The following GDPD4 variants were observed in gnomAD, a reference collection of about 807,000 sequenced individuals.
The protein encoded by GDPD4 is glycerophosphodiester phosphodiesterase domain containing 4, also known as glycerophosphodiester phosphodiesterase 6.
Under a neutral mutation model 67.8 loss-of-function variants are expected in GDPD4, and 60 were observed. That is an observed-to-expected ratio of 0.88 (90% CI 0.72 to 1.10). GDPD4 has a LOEUF of 1.10. Among genes scored for constraint, GDPD4 ranks in the 50% least tolerant of loss-of-function variants. The pLI, the probability that GDPD4 is intolerant of heterozygous loss-of-function variation, is 0.00. For missense variants in GDPD4, 623 were observed against 613.9 expected, an observed-to-expected ratio of 1.01 and a Z score of -0.16; for synonymous variants, 212 against 210.9, an observed-to-expected ratio of 1.00 and a Z score of -0.04.
rs1937679785 is a variant in GDPD4, at chr11:77,289,336, C to G, written c.-253-1916G>C. Among the ~76,000 whole-genome samples, 5 of 139,972 alleles carry G rather than the reference C, an allele frequency of 3.6e-5. No individual in the cohort carries two copies. In the South Asian group the frequency reaches 1.2e-3, roughly 33 times the overall value. 91.8% of individuals were successfully genotyped at this position (139,972 alleles called of 152,430 possible). Reference sequence around the variant, plus strand: ...CAAGATCGCACCACTGCACTCCAGCCTAGGTGACAGAGCAATACTCCATCT... The same window carrying G: ...CAAGATCGCACCACTGCACTCCAGCGTAGGTGACAGAGCAATACTCCATCT... On this transcript the variant is annotated intron_variant, in intron 1 of 16. Coordinates refer to ENST00000315938, the MANE Select transcript of GDPD4 (RefSeq NM_182833.3).
chr11:77,270,610 GA>G (rs1384464654), intron 7 of GDPD4, among the ~76,000 whole-genome samples: 1 of 152,190 alleles, frequency 6.6e-6, no homozygotes, highest in Non-Finnish European at 1.5e-5. Flanking sequence ...TTGGGAGGCT[GA>G]GGCTGGAGAA....
At chr11:77,227,775 CTT>C in intron 16 of GDPD4, 87 bp downstream of exon 16, 1 of 785,522 alleles carries the variant, frequency 1.3e-6, no homozygotes. Flanking sequence ...ACCCTCAGCT[CTT>C]GTCAGGGACA....
intron 11 of GDPD4, among the ~76,000 whole-genome samples, chr11:77,251,158 G>T (rs1231700676): frequency 6.6e-6 from 1 of 152,050 alleles, no homozygotes; most frequent in Non-Finnish European, 1.5e-5. Flanking sequence ...TATAATAGGG[G>T]ATGACTTACT....
At chr11:77,277,198 C>T (rs914481136) in intron 4 of GDPD4, among the ~76,000 whole-genome samples, 5 of 150,686 alleles carry the variant, frequency 3.3e-5, no homozygotes, top group Non-Finnish European at 7.4e-5. Flanking sequence ...CCCTACAGCA[C>T]ATCCTTCATC....
At chr11:77,240,016 TTA>T (rs2135838984) in intron 13 of GDPD4, among the ~76,000 whole-genome samples, 1 of 151,314 alleles carries the variant, frequency 6.6e-6, no homozygotes, top group South Asian at 2.1e-4. Flanking sequence ...AAATGAAAAG[TTA>T]TGTGTTTATG....
rs1179996296 is a variant in GDPD4 at position 77,279,341 on chromosome 11, C to G, written c.112G>C (p.Ala38Pro). 2 of 1,612,626 alleles carry G rather than the reference C, an allele frequency of 1.2e-6. No individual in the cohort carries two copies. Among genetic ancestry groups the G allele is most frequent in the Non-Finnish European group, 1.7e-6 (2 of 1,178,844 alleles). Residue 38 changes from alanine (A) to proline (P), a missense_variant, in exon 4 of 17, where the codon GCT becomes CCT. By Grantham distance (27) the Ala-to-Pro change is conservative (BLOSUM62 -1). Transcript: ENST00000315938. ...FFWSIFILSLARILTAYSSLL... is the reference protein window; with the variant it reads ...FFWSIFILSLPRILTAYSSLL... ...GAAGAGTAGGCAGTCAGGATCCTAG[C>G]TAAACTCAGAATAAAAATAGACCAG...
chr11:77,299,431 T>C (rs933234471), intron 1 of GDPD4, among the ~76,000 whole-genome samples: 1 of 152,200 alleles, frequency 6.6e-6, no homozygotes, highest in African/African-American at 2.4e-5. Flanking sequence ...CACTCTACTT[T>C]TTTTCTATAG....
At chr11:77,258,356 A>T (rs1427528399) in intron 11 of GDPD4, 30 bp downstream of exon 11, 2 of 1,607,576 alleles carry the variant, frequency 1.2e-6, no homozygotes, top group East Asian at 4.5e-5. Flanking sequence ...AATTCAATGC[A>T]GGTTTGTGGA....
At chr11:77,296,033 C>G (rs1345168824) in intron 1 of GDPD4, among the ~76,000 whole-genome samples, 2 of 151,932 alleles carry the variant, frequency 1.3e-5, no homozygotes, top group African/African-American at 4.8e-5. Flanking sequence ...GGGCAGATCA[C>G]GAGGCCAGGA....
At chr11:77,296,647 G>A (rs1255903536) in intron 1 of GDPD4, among the ~76,000 whole-genome samples, 1 of 151,874 alleles carries the variant, frequency 6.6e-6, no homozygotes, top group African/African-American at 2.4e-5. Context: ...ATTGGAACCT[G>A]TGAAAAGACT....
rs1410916171 is a variant in GDPD4 at position 77,248,441 on chromosome 11, T to G, written c.865-2939A>C. Among the ~76,000 whole-genome samples the G allele has an allele frequency of 3.3e-5, 5 of 152,042 alleles. No homozygotes were observed. The East Asian group carries it at 9.7e-4, about 30-fold the overall frequency. On this transcript the variant is annotated intron_variant, in intron 11 of 16. Transcript: ENST00000315938. ...TGATCTCGAACTCCTGACCTTGTGA[T>G]CCACCTGTCTCGGCCTCCCAAGTGC...
At chr11:77,259,895 T>TC in intron 10 of GDPD4, among the ~76,000 whole-genome samples, 1 of 152,296 alleles carries the variant, frequency 6.6e-6, no homozygotes, top group East Asian at 1.9e-4. Context: ...AAGAAAATAT[T>TC]ACCAGACAGT....
chr11:77,225,791 G>A, intron 16 of GDPD4, among the ~76,000 whole-genome samples: 1 of 152,138 alleles, frequency 6.6e-6, no homozygotes, highest in Non-Finnish European at 1.5e-5. Flanking sequence ...GAGGTGGCAT[G>A]GGGCAACACA....
chr11:77,253,924 G>A (rs1958954060), intron 11 of GDPD4, among the ~76,000 whole-genome samples: 2 of 152,144 alleles, frequency 1.3e-5, no homozygotes. Flanking sequence ...GGGAGGGGTA[G>A]GTGAAACAGT....
chr11:77,217,386 A>AAGTT (rs1591520403), intron 16 of GDPD4, 72 bp from the exon 17 acceptor site: 9 of 1,215,062 alleles, frequency 7.4e-6, no homozygotes, highest in Admixed American at 1.7e-5. Context: ...TGTGAAATTC[A>AAGTT]AGTTATCTCT....
At chr11:77,245,556 A>G (rs372911205) in intron 11 of GDPD4, 54 bp from the exon 12 acceptor site, 16 of 1,213,634 alleles carry the variant, frequency 1.3e-5, no homozygotes, top group African/African-American at 1.2e-4. Flanking sequence ...TTCTCCTACT[A>G]TGTAGCCACA....
At chr11:77,283,084 CACTACATCCTGGCAG>C (rs1271690672) in intron 3 of GDPD4, among the ~76,000 whole-genome samples, 1 of 152,202 alleles carries the variant, frequency 6.6e-6, no homozygotes, top group Non-Finnish European at 1.5e-5. Flanking sequence ...TGATTTACAA[CACTACATCCTGGCAG>C]ACGAAGATCA....
chr11:77,236,130 GATT>G (rs1591535883), intron 13 of GDPD4, among the ~76,000 whole-genome samples: 1 of 152,162 alleles, frequency 6.6e-6, no homozygotes, highest in East Asian at 1.9e-4. Flanking sequence ...AACCTAACTA[GATT>G]AATATGTGAA....
At chr11:77,247,313 T>TA (rs951211477) in intron 11 of GDPD4, among the ~76,000 whole-genome samples, 1 of 152,220 alleles carries the variant, frequency 6.6e-6, no homozygotes, top group African/African-American at 2.4e-5. Context: ...CTGGTTCACT[T>TA]AACTATTAAA....
Sources: gnomAD v4.1 joint callset for allele counts (sites outside exome capture counted in the v4.1 genomes callset) on GRCh38, gnomAD v4.1.1 for gene constraint, MANE v1.5 for transcripts, NCBI Gene and HGNC (gene_info 2026-07-23, HGNC 2026-07-21) for gene names.